Variants in ADAMTS6 observed in about 807,000 individuals in gnomAD.
The protein encoded by ADAMTS6 is A disintegrin and metalloproteinase with thrombospondin motifs 6.
Under a neutral mutation model 144.3 loss-of-function variants are expected in ADAMTS6, and 23 were observed. The ratio of observed to expected loss-of-function variants is 0.16; its 90% CI spans 0.11 to 0.23. ADAMTS6 has a LOEUF of 0.23. ADAMTS6 is among the 10% of genes least tolerant of loss of function. The probability of loss-of-function intolerance (pLI) is 1.00; values close to 1 mark genes in which losing one functional copy is unlikely to be tolerated. For synonymous variants in ADAMTS6, 444 were observed against 457.5 expected, an observed-to-expected ratio of 0.97 and a Z score of 0.38; for missense variants, 999 against 1,379.6, an observed-to-expected ratio of 0.72 and a Z score of 4.37.
intron 7 of ADAMTS6, among the ~76,000 whole-genome samples, chr5:65,449,117 T>C (rs147778535): frequency 1.5e-3 from 221 of 152,308 alleles, no homozygotes; most frequent in African/African-American, 4.8e-3. Context: ...AACATAATTA[T>C]AGACTTTTAA....
intron 7 of ADAMTS6, among the ~76,000 whole-genome samples, chr5:65,418,521 C>A (rs1010382813): frequency 1.3e-5 from 2 of 152,126 alleles, no homozygotes; most frequent in African/African-American, 4.8e-5. Context: ...AGAACTTAAT[C>A]TTCCAAGTAC....
chr5:65,374,622 A>G (rs1317274838), intron 7 of ADAMTS6, among the ~76,000 whole-genome samples: 4 of 152,162 alleles, frequency 2.6e-5, no homozygotes, highest in Non-Finnish European at 5.9e-5. Flanking sequence ...ATACAAACAA[A>G]TGGAAGAACA....
At chr5:65,344,195 TAG>T (rs1260110576) in intron 7 of ADAMTS6, among the ~76,000 whole-genome samples, 2 of 151,950 alleles carry the variant, frequency 1.3e-5, no homozygotes, top group Non-Finnish European at 2.9e-5. Flanking sequence ...AGCCTATGAA[TAG>T]AGAGTTTTCA....
chr5:65,460,367 C>T, intron 3 of ADAMTS6, 29 bp from the exon 4 acceptor site: 1 of 1,542,190 alleles, frequency 6.5e-7, no homozygotes, highest in Non-Finnish European at 8.8e-7. Context: ...AAGAACTTAC[C>T]AAAGAGAATC....
At chr5:65,186,184 C>T (rs1235309012) in intron 22 of ADAMTS6, among the ~76,000 whole-genome samples, 2 of 152,120 alleles carry the variant, frequency 1.3e-5, no homozygotes, top group African/African-American at 4.8e-5. Flanking sequence ...CTATTCTCTT[C>T]CCTACTCCCA....
intron 7 of ADAMTS6, among the ~76,000 whole-genome samples, chr5:65,413,074 C>T (rs1335778812): frequency 2.6e-5 from 4 of 152,114 alleles, no homozygotes; most frequent in Admixed American, 2.0e-4. Flanking sequence ...CTCTGTAACA[C>T]CAAAGGAAGA....
At position 65,272,999 on chromosome 5, in the gene ADAMTS6, C is replaced by T. The variant is rs869969; in HGVS notation, c.1620+341G>A. Among the ~76,000 whole-genome samples, 654 of 151,266 alleles carry T rather than the reference C, an allele frequency of 4.3e-3. 1 individual carries two copies. Among genetic ancestry groups the T allele is most frequent in the African/African-American group, 0.014 (585 of 41,250 alleles). ...TCTACTTCTGGGTTGCATAATTTTC[C>T]GGGGAATTATTTACCAGAAAAACTA... On this transcript the variant is annotated intron_variant, in intron 12 of 24. Transcript: ENST00000381055.
At chr5:65,176,220 A>G (rs763311970) in intron 22 of ADAMTS6, among the ~76,000 whole-genome samples, 6 of 152,216 alleles carry the variant, frequency 3.9e-5, no homozygotes, top group Non-Finnish European at 7.3e-5. Context: ...AATGTTTGTA[A>G]TAAGTCAGAA....
In ADAMTS6 at chr5:65,403,778, C is replaced by T. The variant is rs1754162809; in HGVS notation, c.1073+47697G>A. Among the ~76,000 whole-genome samples the T allele has an allele frequency of 2.0e-5, 3 of 152,038 alleles. No homozygotes were observed. The South Asian group carries it at 6.2e-4, about 31-fold the overall frequency. ...CCACACACATATACAAATAATATAA[C>T]TCTCTAGACTCCATTATCTTCATGG... is the stretch of plus-strand genomic sequence containing the variant. On this transcript the variant is annotated intron_variant, in intron 7 of 24. Transcript: ENST00000381055.
intron 7 of ADAMTS6, among the ~76,000 whole-genome samples, chr5:65,399,083 C>G (rs1753698526): frequency 6.6e-6 from 1 of 151,862 alleles, no homozygotes; most frequent in Admixed American, 6.6e-5. Flanking sequence ...ATGGTGAAAC[C>G]CCGTCTCCAA....
intron 14 of ADAMTS6, among the ~76,000 whole-genome samples, chr5:65,259,779 G>GA (rs1299954027): frequency 2.0e-5 from 3 of 152,052 alleles, no homozygotes; most frequent in Admixed American, 6.6e-5. Flanking sequence ...GTATGTTTAT[G>GA]AAAAAAATTC....
In ADAMTS6 at chr5:65,332,322, G is replaced by T. The variant is rs575904186; in HGVS notation, c.1117+1720C>A. On this transcript the variant is annotated intron_variant, in intron 8 of 24. Transcript: ENST00000381055. The stretch of plus-strand genomic sequence containing the variant: ...ATATATATATATATATAGAGAGAGA[G>T]AGAGAGAGAGAGAGAGAGTGTATAT... Among the ~76,000 whole-genome samples the T allele has an allele frequency of 4.6e-3, 686 of 148,452 alleles. 4 individuals carry two copies. Among genetic ancestry groups the T allele is most frequent in the Non-Finnish European group, 7.4e-3 (493 of 66,922 alleles).
chr5:65,354,844 G>A (rs917535689), intron 7 of ADAMTS6, among the ~76,000 whole-genome samples: 6 of 151,522 alleles, frequency 4.0e-5, no homozygotes, highest in South Asian at 2.1e-4. Context: ...ATTTTATTCC[G>A]AATCTTCAAC....
At chr5:65,224,698 C>A (rs1291232265) in intron 17 of ADAMTS6, among the ~76,000 whole-genome samples, 1 of 152,120 alleles carries the variant, frequency 6.6e-6, no homozygotes, top group Non-Finnish European at 1.5e-5. Flanking sequence ...AGAATGTACA[C>A]CTTTAAGAAA....
Position 65,473,964 on chromosome 5 carries a change from A to T in ADAMTS6, c.-279-12T>A. 4 of 446,892 alleles carry T rather than the reference A, an allele frequency of 9.0e-6. No homozygotes were observed. 27.7% of individuals were successfully genotyped at this position (446,892 alleles called of 1,614,324 possible). ...GGCCATTTTTTAACCTAGAAAAAAA[A>T]AAATTTAAGTTAACTGAAAAATATC... On this transcript the variant is annotated splice_polypyrimidine_tract_variant and intron_variant, in intron 1 of 24. Coordinates refer to ENST00000381055, the MANE Select transcript of ADAMTS6 (RefSeq NM_197941.4).
At chr5:65,391,824 C>T (rs1295527938) in intron 7 of ADAMTS6, among the ~76,000 whole-genome samples, 1 of 151,844 alleles carries the variant, frequency 6.6e-6, no homozygotes, top group African/African-American at 2.4e-5. Context: ...CAACATCTGC[C>T]TCCCGGATTC....
intron 7 of ADAMTS6, among the ~76,000 whole-genome samples, chr5:65,423,122 A>G (rs966648539): frequency 3.3e-5 from 5 of 152,238 alleles, no homozygotes; most frequent in African/African-American, 1.2e-4. Context: ...AGCAATGGAT[A>G]TGCAAAGGCA....
intron 14 of ADAMTS6, among the ~76,000 whole-genome samples, chr5:65,248,437 TTAAA>T (rs1429643742): frequency 2.0e-5 from 3 of 152,298 alleles, no homozygotes; most frequent in Non-Finnish European, 2.9e-5. Context: ...TGTATATGCC[TTAAA>T]TAGTCTGAAT....
intron 11 of ADAMTS6, among the ~76,000 whole-genome samples, chr5:65,288,966 C>T (rs528183542): frequency 3.5e-4 from 54 of 152,202 alleles, no homozygotes; most frequent in Non-Finnish European, 5.7e-4. Context: ...TTGTGTAAAC[C>T]GACACAAGTT....
Sources: allele counts gnomAD v4.1 joint callset (sites outside exome capture counted in the v4.1 genomes callset), GRCh38; gene constraint gnomAD v4.1.1; transcripts MANE v1.5; gene names NCBI Gene and HGNC (gene_info 2026-07-23, HGNC 2026-07-21).